The following DHRSX variants were observed in gnomAD, a reference collection of about 807,000 sequenced individuals.
DHRSX encodes the protein dehydrogenase/reductase X-linked.
A neutral mutation model predicts 34.0 loss-of-function variants in DHRSX; 31 were observed. That is an observed-to-expected ratio of 0.91 (90% confidence interval 0.69 to 1.23). DHRSX has a LOEUF of 1.23. Ranked by LOEUF, DHRSX falls within the 50% of genes most tolerant of loss-of-function variation. The probability of loss-of-function intolerance (pLI) is 0.00; values close to 1 mark genes in which losing one functional copy is unlikely to be tolerated. For synonymous variants in DHRSX, 201 were observed against 183.8 expected (o/e 1.09, Z -0.76); for missense variants, 414 against 428.1 (o/e 0.97, Z 0.29).
At chrX:2,434,519 A>G (rs981366624) in intron 1 of DHRSX, among the ~76,000 whole-genome samples, 2 of 152,122 alleles carry the variant, frequency 1.3e-5, no homozygotes, top group African/African-American at 4.8e-5. Context: ...AAATAAAAAT[A>G]AATTAGCCAG....
intron 1 of DHRSX, among the ~76,000 whole-genome samples, chrX:2,441,481 GAGAA>G (rs1278806835): frequency 6.6e-6 from 1 of 152,118 alleles, no homozygotes; most frequent in Non-Finnish European, 1.5e-5. Flanking sequence ...TATATATAGA[GAGAA>G]AGAGATTTTA....
intron 3 of DHRSX, among the ~76,000 whole-genome samples, chrX:2,396,106 G>T (rs754514068): frequency 6.6e-6 from 1 of 151,910 alleles, no homozygotes; most frequent in Non-Finnish European, 1.5e-5. Context: ...TGGCCGCATC[G>T]CTCCAGTCTC....
Position 2,273,523 on chromosome X carries a change from G to A in DHRSX, c.389-6576C>T, listed in dbSNP as rs34616289. On this transcript the variant is annotated intron_variant, in intron 4 of 6. Coordinates refer to ENST00000334651, the MANE Select transcript of DHRSX (RefSeq NM_145177.3). ...TGCTTCTGGCATTGAAGGGGCATACGGAATAGAGGAATACACATTAGAGAC... is the reference window on the plus strand; with the variant it reads ...TGCTTCTGGCATTGAAGGGGCATACAGAATAGAGGAATACACATTAGAGAC... Among the ~76,000 whole-genome samples the A allele has an allele frequency of 6.3e-3, 962 of 152,220 alleles. 10 individuals are homozygous for A. Among genetic ancestry groups the A allele is most frequent in the Non-Finnish European group, 9.0e-3 (609 of 68,020 alleles).
chrX:2,230,097 G>C (rs191365498), intron 6 of DHRSX, among the ~76,000 whole-genome samples: 67 of 152,334 alleles, frequency 4.4e-4, no homozygotes, highest in African/African-American at 1.5e-3. Flanking sequence ...GTGTGTCTAT[G>C]CATGTGAAGG....
intron 4 of DHRSX, among the ~76,000 whole-genome samples, chrX:2,288,471 G>A (rs1324297116): frequency 2.6e-5 from 4 of 152,192 alleles, no homozygotes; most frequent in Non-Finnish European, 4.4e-5. Context: ...CTGACCTCAC[G>A]TAATCCACCT....
intron 5 of DHRSX, among the ~76,000 whole-genome samples, chrX:2,258,899 T>C (rs1385893344): frequency 6.6e-6 from 1 of 152,190 alleles, no homozygotes. Context: ...TCAATATTCA[T>C]TTTACATAAT....
At chrX:2,416,577 A>G in intron 2 of DHRSX, among the ~76,000 whole-genome samples, 1 of 152,170 alleles carries the variant, frequency 6.6e-6, no homozygotes, top group East Asian at 1.9e-4. Flanking sequence ...ACTAGGGCAG[A>G]GCTCATAGTT....
chrX:2,468,699 C>T (rs1398084133), intron 1 of DHRSX, among the ~76,000 whole-genome samples: 1 of 151,278 alleles, frequency 6.6e-6, no homozygotes, highest in Non-Finnish European at 1.5e-5. Context: ...AAGACGCTCC[C>T]AAAGAATGCA....
intron 6 of DHRSX, among the ~76,000 whole-genome samples, chrX:2,226,593 G>A (rs1243637329): frequency 6.6e-6 from 1 of 152,074 alleles, no homozygotes; most frequent in Admixed American, 6.6e-5. Flanking sequence ...GAGGTCAGGA[G>A]ATCAAGACCA....
intron 3 of DHRSX, among the ~76,000 whole-genome samples, chrX:2,388,381 G>A (rs2043296373): frequency 6.6e-6 from 1 of 152,106 alleles, no homozygotes; most frequent in Non-Finnish European, 1.5e-5. Context: ...GAGGTTTCAG[G>A]GGGTTGGGGG....
chrX:2,399,655 A>T (rs2043459566), intron 3 of DHRSX, among the ~76,000 whole-genome samples: 1 of 150,622 alleles, frequency 6.6e-6, no homozygotes, highest in Non-Finnish European at 1.5e-5. Context: ...GCAGTGAGCC[A>T]AGATCGCACC....
intron 1 of DHRSX, among the ~76,000 whole-genome samples, chrX:2,435,377 G>A (rs1273362160): frequency 6.6e-6 from 1 of 152,038 alleles, no homozygotes; most frequent in East Asian, 1.9e-4. Context: ...TTACCACTGG[G>A]GGAAGTAGAC....
intron 3 of DHRSX, among the ~76,000 whole-genome samples, chrX:2,299,682 C>T (rs1332380853): frequency 4.0e-5 from 6 of 151,812 alleles, no homozygotes; most frequent in Middle Eastern, 3.2e-3. Context: ...TGGTGAAATC[C>T]GGTCTCTACT....
chrX:2,415,149 A>G (rs1279860675), intron 2 of DHRSX, among the ~76,000 whole-genome samples: 1 of 151,954 alleles, frequency 6.6e-6, no homozygotes, highest in Non-Finnish European at 1.5e-5. Flanking sequence ...ATCCTACCAC[A>G]ACTAGATCTC....
chrX:2,485,686 G>A, intron 1 of DHRSX, among the ~76,000 whole-genome samples: 1 of 75,578 alleles, frequency 1.3e-5, no homozygotes, highest in African/African-American at 7.5e-5. Flanking sequence ...GGAGGAAAGG[G>A]AGGCAGAGAG....
chrX:2,314,330 GGGAGGGAGGGAAA>G (rs2042205868), intron 3 of DHRSX, among the ~76,000 whole-genome samples: 1 of 27,748 alleles, frequency 3.6e-5, no homozygotes, highest in African/African-American at 2.3e-4. Context: ...GAGGGAAGGA[GGGAGGGAGGGAAA>G]GGAGGGAGGG....
chrX:2,485,050 G>GT (rs2044851484), intron 1 of DHRSX, among the ~76,000 whole-genome samples: 1 of 152,180 alleles, frequency 6.6e-6, no homozygotes, highest in South Asian at 2.1e-4. Flanking sequence ...ATTCTGCAAA[G>GT]TGGGGGGGAA....
At chrX:2,248,387 T>C (rs1219953946) in intron 5 of DHRSX, among the ~76,000 whole-genome samples, 1 of 146,586 alleles carries the variant, frequency 6.8e-6, no homozygotes, top group Non-Finnish European at 1.5e-5. Context: ...GAGTGGAGAT[T>C]GCGCCACTGC....
intron 1 of DHRSX, among the ~76,000 whole-genome samples, chrX:2,498,527 G>A (rs1440328842): frequency 6.6e-6 from 1 of 150,766 alleles, no homozygotes; most frequent in Non-Finnish European, 1.5e-5. Flanking sequence ...ATTCTGTTTC[G>A]ATACACACCC....
Sources: gnomAD v4.1 joint callset for allele counts (sites outside exome capture counted in the v4.1 genomes callset) on GRCh38, gnomAD v4.1.1 for gene constraint, MANE v1.5 for transcripts, NCBI Gene and HGNC (gene_info 2026-07-23, HGNC 2026-07-21) for gene names.